SLMAP: variants seen among roughly 807,000 people sequenced by gnomAD.
SLMAP encodes sarcolemmal membrane-associated protein.
SLMAP carries 44 observed loss-of-function variants against 128.8 expected under a neutral mutation model. The ratio of observed to expected loss-of-function variants is 0.34; its 90% CI spans 0.27 to 0.44. SLMAP has a LOEUF of 0.44. SLMAP is among the 20% of genes least tolerant of loss of function. The pLI is 1.00. For missense variants in SLMAP, 787 were observed against 985.3 expected, an observed-to-expected ratio of 0.80 and a Z score of 2.69; for synonymous variants, 327 against 348.8, an observed-to-expected ratio of 0.94 and a Z score of 0.70.
intron 2 of SLMAP, among the ~76,000 whole-genome samples, chr3:57,817,586 G>C (rs955979712): frequency 1.3e-5 from 2 of 152,156 alleles, no homozygotes; most frequent in African/African-American, 4.8e-5. Flanking sequence ...AGTCTAAGCG[G>C]CCTTGTTTGC....
At chr3:57,821,168 T>C (rs1208777132) in intron 2 of SLMAP, among the ~76,000 whole-genome samples, 1 of 152,228 alleles carries the variant, frequency 6.6e-6, no homozygotes, top group East Asian at 1.9e-4. Context: ...TCCCTATTTC[T>C]GTCTTTCATA....
At chr3:57,851,104 T>G (rs1360121657) in intron 6 of SLMAP, among the ~76,000 whole-genome samples, 1 of 152,224 alleles carries the variant, frequency 6.6e-6, no homozygotes, top group Non-Finnish European at 1.5e-5. Flanking sequence ...TATTCCTATT[T>G]TTACAGATAG....
intron 2 of SLMAP, among the ~76,000 whole-genome samples, chr3:57,769,111 G>A (rs1158985320): frequency 1.3e-5 from 2 of 152,170 alleles, no homozygotes; most frequent in Non-Finnish European, 2.9e-5. Context: ...TGATTGTGGC[G>A]ATGGTTGCAC....
intron 23 of SLMAP, among the ~76,000 whole-genome samples, chr3:57,923,459 A>C (rs2096951110): frequency 6.6e-6 from 1 of 152,236 alleles, no homozygotes; most frequent in Non-Finnish European, 1.5e-5. Flanking sequence ...TAAAAAGCTT[A>C]ATGTCTCTTT....
intron 22 of SLMAP, 33 bp from the exon 23 acceptor site, chr3:57,922,856 G>GT (rs1175546313): frequency 6.2e-6 from 10 of 1,600,392 alleles, no homozygotes; most frequent in Non-Finnish European, 7.7e-6. Flanking sequence ...ATTTTAAGTT[G>GT]TATCTGCACA....
chr3:57,821,326 T>C (rs1040439980), intron 2 of SLMAP, among the ~76,000 whole-genome samples: 1 of 152,174 alleles, frequency 6.6e-6, no homozygotes, highest in African/African-American at 2.4e-5. Flanking sequence ...GGAAAAAATC[T>C]TGGCAAATTA....
intron 5 of SLMAP, 94 bp downstream of exon 5, chr3:57,847,327 T>C (rs1212609300): frequency 1.0e-5 from 9 of 897,018 alleles, no homozygotes; most frequent in Non-Finnish European, 1.3e-5. Context: ...AATTTATTTC[T>C]CTTTTATAAC....
At chr3:57,893,402 C>G (rs1433213460) in intron 15 of SLMAP, among the ~76,000 whole-genome samples, 1 of 145,892 alleles carries the variant, frequency 6.9e-6, no homozygotes, top group African/African-American at 2.6e-5. Flanking sequence ...CCAGCCTGGG[C>G]AACAGAGCAA....
chr3:57,770,768 C>T (rs1441694272), intron 2 of SLMAP, among the ~76,000 whole-genome samples: 1 of 152,178 alleles, frequency 6.6e-6, no homozygotes, highest in East Asian at 1.9e-4. Flanking sequence ...ATACCTGGCA[C>T]AGGATAGGCA....
intron 5 of SLMAP, among the ~76,000 whole-genome samples, chr3:57,848,176 GCTC>G (rs58849244): frequency 1.4e-3 from 216 of 150,060 alleles, no homozygotes; most frequent in East Asian, 7.5e-3. Flanking sequence ...TCCTGCTCCT[GCTC>G]CTCCTCCTCC....
At chr3:57,870,936 AC>A (rs1160867719) in intron 13 of SLMAP, among the ~76,000 whole-genome samples, 1 of 152,246 alleles carries the variant, frequency 6.6e-6, no homozygotes, top group Non-Finnish European at 1.5e-5. Flanking sequence ...AAGAACTGAA[AC>A]TTTTATTTAA....
chr3:57,772,567 AT>A (rs2081096490), intron 2 of SLMAP, among the ~76,000 whole-genome samples: 1 of 152,114 alleles, frequency 6.6e-6, no homozygotes, highest in Non-Finnish European at 1.5e-5. Context: ...CACTGTTGTT[AT>A]TGCTGCTTCT....
intron 4 of SLMAP, among the ~76,000 whole-genome samples, chr3:57,846,960 A>G (rs1414425506): frequency 2.6e-5 from 4 of 152,192 alleles, no homozygotes; most frequent in African/African-American, 4.8e-5. Flanking sequence ...AGCATTTAAT[A>G]CATTTTGGAT....
intron 13 of SLMAP, among the ~76,000 whole-genome samples, chr3:57,869,025 A>ATT (rs1215542750): frequency 1.4e-5 from 2 of 139,064 alleles, no homozygotes; most frequent in Non-Finnish European, 3.0e-5. Flanking sequence ...TTATATGTGT[A>ATT]TTATATATAT....
chr3:57,778,973 T>G (rs776451093), intron 2 of SLMAP, among the ~76,000 whole-genome samples: 1 of 152,162 alleles, frequency 6.6e-6, no homozygotes, highest in Non-Finnish European at 1.5e-5. Context: ...TTTTTTTATA[T>G]GTTTGCCAGG....
intron 2 of SLMAP, among the ~76,000 whole-genome samples, chr3:57,803,359 T>C (rs1278811237): frequency 6.6e-6 from 1 of 152,188 alleles, no homozygotes; most frequent in South Asian, 2.1e-4. Context: ...TCCCCCTTAC[T>C]AGTAACTACA....
intron 17 of SLMAP, among the ~76,000 whole-genome samples, chr3:57,906,300 C>CTTTTTTTTCTTTTTTTTTTTTTTTTTTT (rs2096541411): frequency 4.2e-5 from 3 of 71,290 alleles, no homozygotes; most frequent in Non-Finnish European, 5.6e-5. Context: ...AAATTTTTTT[C>CTTTTTTTTCTTTTTTTTTTTTTTTTTTT]TTTTTTTTTC....
chr3:57,864,945 G>T, intron 12 of SLMAP, 88 bp downstream of exon 12: 1 of 1,062,464 alleles, frequency 9.4e-7, no homozygotes, highest in South Asian at 1.5e-5. Flanking sequence ...CATTTTTTAA[G>T]GGATGTTTTA....
intron 14 of SLMAP, among the ~76,000 whole-genome samples, chr3:57,883,940 T>TC (rs1463421266): frequency 6.8e-6 from 1 of 147,054 alleles, no homozygotes; most frequent in Non-Finnish European, 1.5e-5. Context: ...TTTCTTTCTT[T>TC]TTTTTTTTTT....
Sources: allele counts gnomAD v4.1 joint callset (sites outside exome capture counted in the v4.1 genomes callset), GRCh38; gene constraint gnomAD v4.1.1; transcripts MANE v1.5; gene names NCBI Gene and HGNC (gene_info 2026-07-23, HGNC 2026-07-21).